The following RBBP8 variants were observed in gnomAD, a reference collection of about 807,000 sequenced individuals.
RBBP8 encodes DNA endonuclease RBBP8.
Under a neutral mutation model 108.3 loss-of-function variants are expected in RBBP8, and 88 were observed. That is an observed-to-expected ratio of 0.81 (90% CI 0.68 to 0.97). The LOEUF (loss-of-function observed/expected upper bound fraction) is 0.97, where lower values mean the gene tolerates loss of function less well. RBBP8 is among the 50% of genes least tolerant of loss of function. The probability of loss-of-function intolerance (pLI) is 0.00; values close to 1 mark genes in which losing one functional copy is unlikely to be tolerated. For missense variants in RBBP8, 1,023 were observed against 1,049.0 expected (o/e 0.98, Z 0.34); for synonymous variants, 332 against 348.2 (o/e 0.95, Z 0.52).
At chr18:22,962,063 A>G (rs1913147514) in intron 4 of RBBP8, among the ~76,000 whole-genome samples, 1 of 152,222 alleles carries the variant, frequency 6.6e-6, no homozygotes, top group Non-Finnish European at 1.5e-5. Context: ...TAGGTAACAC[A>G]TTCCATCCTT....
intron 12 of RBBP8, among the ~76,000 whole-genome samples, chr18:22,994,303 G>A (rs1379012379): frequency 8.0e-5 from 12 of 149,170 alleles, no homozygotes; most frequent in African/African-American, 2.4e-4. Context: ...GATTACAGGC[G>A]TGAGTCACTG....
At chr18:22,934,226 T>A (rs376691968) in intron 1 of RBBP8, 1 of 152,300 alleles carries the variant, frequency 6.6e-6, no homozygotes, top group African/African-American at 2.4e-5. Flanking sequence ...AACGGTTCAT[T>A]GCAGAGAGAG....
intron 1 of RBBP8, among the ~76,000 whole-genome samples, chr18:22,914,997 T>C (rs1341011829): frequency 3.9e-5 from 6 of 152,146 alleles, no homozygotes; most frequent in African/African-American, 1.4e-4. Flanking sequence ...CGTAATCCAA[T>C]TAATTTATTT....
chr18:22,966,799 T>A (rs1913643891), intron 4 of RBBP8, among the ~76,000 whole-genome samples: 1 of 150,176 alleles, frequency 6.7e-6, no homozygotes. Context: ...CTATCTCAGC[T>A]TACTGTAATC....
intron 4 of RBBP8, among the ~76,000 whole-genome samples, chr18:22,964,194 C>T (rs1485251639): frequency 6.6e-6 from 1 of 152,100 alleles, no homozygotes; most frequent in African/African-American, 2.4e-5. Context: ...TCTAGAACTC[C>T]TGGCCTCAAG....
At chr18:22,979,516 G>C (rs564272126) in intron 6 of RBBP8, among the ~76,000 whole-genome samples, 1 of 152,246 alleles carries the variant, frequency 6.6e-6, no homozygotes, top group South Asian at 2.1e-4. Context: ...GTTGGTCATA[G>C]TTCATACAGT....
At chr18:22,966,719 CTT>C (rs796853895) in intron 4 of RBBP8, among the ~76,000 whole-genome samples, 9 of 128,122 alleles carry the variant, frequency 7.0e-5, no homozygotes, top group Non-Finnish European at 1.1e-4. Context: ...TACTTACTAT[CTT>C]TTTTTTTTTT....
intron 10 of RBBP8, among the ~76,000 whole-genome samples, chr18:22,991,321 G>A (rs572924648): frequency 6.6e-6 from 1 of 152,148 alleles, no homozygotes. Flanking sequence ...CCTTTAAAGA[G>A]CCAGTCATCC....
At chr18:23,002,073 T>TA (rs1354924631) in intron 15 of RBBP8, among the ~76,000 whole-genome samples, 2 of 152,206 alleles carry the variant, frequency 1.3e-5, no homozygotes, top group Admixed American at 6.5e-5. Flanking sequence ...AAATGTCTAT[T>TA]AATTATTAAA....
chr18:23,004,518 G>C (rs1355144941), intron 15 of RBBP8: 1 of 152,072 alleles, frequency 6.6e-6, no homozygotes, highest in Admixed American at 6.6e-5. Flanking sequence ...GGGAAGGCTG[G>C]GATAGCCAAA....
intron 4 of RBBP8, among the ~76,000 whole-genome samples, chr18:22,955,170 A>C (rs1332995819): frequency 2.0e-5 from 3 of 152,134 alleles, no homozygotes; most frequent in Non-Finnish European, 4.4e-5. Context: ...CTTGCCTTTC[A>C]TTCCATTCAC....
At chr18:23,011,541 A>G (rs886765018) in intron 16 of RBBP8, among the ~76,000 whole-genome samples, 3 of 147,656 alleles carry the variant, frequency 2.0e-5, no homozygotes, top group African/African-American at 5.0e-5. Flanking sequence ...GGTTCATGCC[A>G]TTCTCCTGCC....
intron 17 of RBBP8, among the ~76,000 whole-genome samples, chr18:23,021,801 C>A (rs956528225): frequency 1.3e-5 from 2 of 150,014 alleles, no homozygotes; most frequent in African/African-American, 2.5e-5. Flanking sequence ...TCACTAAGCA[C>A]ACTGTCAAGA....
chr18:22,960,609 T>G (rs1356911308), intron 4 of RBBP8, among the ~76,000 whole-genome samples: 1 of 152,212 alleles, frequency 6.6e-6, no homozygotes, highest in African/African-American at 2.4e-5. Context: ...AAAAAAGTTT[T>G]TTTCTTCTGA....
chr18:23,011,360 T>C (rs759962650), intron 16 of RBBP8, among the ~76,000 whole-genome samples: 9 of 152,208 alleles, frequency 5.9e-5, no homozygotes, highest in Non-Finnish European at 1.0e-4. Flanking sequence ...GTGTCACATT[T>C]TAGTAATTCT....
intron 4 of RBBP8, among the ~76,000 whole-genome samples, chr18:22,966,874 G>A (rs1003504603): frequency 1.3e-5 from 2 of 151,698 alleles, no homozygotes; most frequent in African/African-American, 4.8e-5. Flanking sequence ...TTACAAGCAT[G>A]AGCCACCACA....
rs748653867 is a variant in RBBP8 at position 22,989,249 on chromosome 18, T to C, written c.738T>C (p.Pro246=). Residue 246 remains proline, a synonymous_variant, in exon 9 of 19, where the codon CCT becomes CCC. Coordinates refer to ENST00000327155, the MANE Select transcript of RBBP8 (RefSeq NM_002894.3). ...AKAHGTSSYT[P]DKSSFNLATV... is the part of the protein sequence containing the mutation. ...CACATGGAACAAGCAGCTATACCCC[T>C]GATAAGTCATCTTTTAATTTAGCTA... The C allele has an allele frequency of 1.9e-6, 3 of 1,610,492 alleles. No homozygotes were observed. The South Asian group carries it at 3.3e-5, about 18-fold the overall frequency.
rs1210927872 is a variant in RBBP8 at position 22,993,162 on chromosome 18, C to T, written c.1335C>T (p.Ser445=). 1 of 1,613,916 alleles carries T rather than the reference C, an allele frequency of 6.2e-7. No homozygotes were observed. Among genetic ancestry groups the T allele is most frequent in the Non-Finnish European group, 8.5e-7 (1 of 1,179,978 alleles). ...EPLKSLGGRT[S]KRKKTEEESE... The stretch of plus-strand genomic sequence containing the variant: ...TGAAATCATTGGGAGGCCGAACATC[C>T]AAAAGGAAGAAAACTGAGGAAGAAA... The change falls in exon 11 of 19, where the codon TCC becomes TCT. Residue 445 remains serine (S), a synonymous_variant. Coordinates refer to ENST00000327155, the MANE Select transcript of RBBP8 (RefSeq NM_002894.3).
At chr18:22,960,203 A>AT (rs796868976) in intron 4 of RBBP8, among the ~76,000 whole-genome samples, 1 of 152,122 alleles carries the variant, frequency 6.6e-6, no homozygotes, top group African/African-American at 2.4e-5. Flanking sequence ...GAACTTTACT[A>AT]TTTTTTAAAA....
Sources: allele counts gnomAD v4.1 joint callset (sites outside exome capture counted in the v4.1 genomes callset), GRCh38; gene constraint gnomAD v4.1.1; transcripts MANE v1.5; gene names NCBI Gene and HGNC (gene_info 2026-07-23, HGNC 2026-07-21).